Variants in DNAH8 observed in about 807,000 individuals in gnomAD.
The protein encoded by DNAH8 is axonemal beta dynein heavy chain 8.
DNAH8 carries 382 observed loss-of-function variants against 562.1 expected under a neutral mutation model. That is an observed-to-expected ratio of 0.68 (90% confidence interval 0.63 to 0.74). The LOEUF (loss-of-function observed/expected upper bound fraction) is 0.74, where lower values mean the gene tolerates loss of function less well. DNAH8 is among the 30% of genes least tolerant of loss of function. The pLI is 0.00. For synonymous variants in DNAH8, 1,881 were observed against 1,919.4 expected, an observed-to-expected ratio of 0.98 and a Z score of 0.52; for missense variants, 5,203 against 5,620.4, an observed-to-expected ratio of 0.93 and a Z score of 2.37.
chr6:38,832,620 T>C (rs914107844), intron 31 of DNAH8, among the ~76,000 whole-genome samples, 185 bp downstream of exon 31: 4 of 152,228 alleles, frequency 2.6e-5, no homozygotes, highest in African/African-American at 9.6e-5. Flanking sequence ...TTGGCTTCCT[T>C]GGCCATATTG....
chr6:38,893,134 G>T (rs1261193080), intron 58 of DNAH8, among the ~76,000 whole-genome samples: 1 of 152,166 alleles, frequency 6.6e-6, no homozygotes, highest in Non-Finnish European at 1.5e-5. Context: ...TTACCACTGT[G>T]TCTTCTTAAG....
intron 91 of DNAH8, among the ~76,000 whole-genome samples, chr6:39,015,414 C>A (rs1766498501): frequency 6.6e-6 from 1 of 152,196 alleles, no homozygotes; most frequent in Non-Finnish European, 1.5e-5. Flanking sequence ...TGCGTCCCCA[C>A]CCAAAACTCA....
chr6:38,917,196 A>C, intron 68 of DNAH8, 43 bp from the exon 69 acceptor site: 1 of 1,399,560 alleles, frequency 7.1e-7, no homozygotes. Context: ...AACTATTAAT[A>C]CCACTCAACA....
At chr6:38,722,607 G>A (rs1157955636) in intron 1 of DNAH8, among the ~76,000 whole-genome samples, 169 bp from the exon 2 acceptor site, 2 of 143,852 alleles carry the variant, frequency 1.4e-5, no homozygotes, top group East Asian at 3.9e-4. Flanking sequence ...TGTGTGTGCT[G>A]TCCTCACTAA....
At chr6:38,923,650 G>T in intron 72 of DNAH8, 1 of 224,026 alleles carries the variant, frequency 4.5e-6, no homozygotes. Context: ...AAATAAAAAG[G>T]GAGGGGAAAG....
chr6:38,822,917 G>T lies in DNAH8; in HGVS notation c.3603G>T (p.Lys1201Asn), dbSNP rs777363308. Reference sequence around the variant, plus strand: ...TAGCGGAGCACAAGGATATTTCTAAGTTGGTCCTGCTCCTTTCTTCCTCTG... The same window carrying T: ...TAGCGGAGCACAAGGATATTTCTAATTTGGTCCTGCTCCTTTCTTCCTCTG... ...PGVAEHKDIS[K>N]LVLLLSSSVN... Residue 1201 changes from lysine (K) to asparagine (N), a missense_variant, in exon 27 of 93, where the codon AAG becomes AAT. Lys to Asn is a moderately conservative substitution (Grantham distance 94). Around this residue, in one of 6 missense-constraint regions of DNAH8, gnomAD observed 2,176 missense variants for 2,365.1 expected, o/e 0.92. Coordinates refer to ENST00000327475, the MANE Select transcript of DNAH8 (RefSeq NM_001206927.2). 2.2e-5 allele frequency: 35 copies of T among 1,613,346 alleles called. No homozygotes were observed. Among genetic ancestry groups the T allele is most frequent in the Admixed American group, 3.3e-5 (2 of 59,844 alleles).
chr6:39,002,715 T>A (rs2150753940), intron 88 of DNAH8, among the ~76,000 whole-genome samples: 1 of 152,346 alleles, frequency 6.6e-6, no homozygotes, highest in East Asian at 1.9e-4. Flanking sequence ...TACTATACAG[T>A]CAATTTTTGT....
intron 18 of DNAH8, 70 bp from the exon 19 acceptor site, chr6:38,789,733 G>C: frequency 8.4e-7 from 1 of 1,186,678 alleles, no homozygotes; most frequent in Non-Finnish European, 1.2e-6. Flanking sequence ...AACCTTCCTG[G>C]AATGAATCAA....
intron 81 of DNAH8, among the ~76,000 whole-genome samples, 154 bp downstream of exon 81, chr6:38,949,724 T>C (rs1240101246): frequency 6.6e-6 from 1 of 152,208 alleles, no homozygotes; most frequent in Non-Finnish European, 1.5e-5. Context: ...TTATAAGAAA[T>C]GTATGTACTT....
intron 88 of DNAH8, among the ~76,000 whole-genome samples, chr6:39,007,252 A>G (rs1046074189): frequency 4.6e-5 from 7 of 152,248 alleles, no homozygotes; most frequent in African/African-American, 1.7e-4. Context: ...TCTTAGGTGT[A>G]GAATTGCTAT....
chr6:38,850,213 C>G, intron 37 of DNAH8, 38 bp from the exon 38 acceptor site: 1 of 1,584,172 alleles, frequency 6.3e-7, no homozygotes, highest in Non-Finnish European at 8.6e-7. Context: ...TTCAATTATC[C>G]AAATGCTAAT....
chr6:38,770,180 T>C (rs1767421168), intron 11 of DNAH8, among the ~76,000 whole-genome samples: 1 of 151,972 alleles, frequency 6.6e-6, no homozygotes, highest in Non-Finnish European at 1.5e-5. Flanking sequence ...GTCATGAAAA[T>C]GTAAAAACAA....
intron 27 of DNAH8, among the ~76,000 whole-genome samples, chr6:38,823,267 T>C (rs1562907613): frequency 6.6e-6 from 1 of 152,180 alleles, no homozygotes; most frequent in Non-Finnish European, 1.5e-5. Flanking sequence ...AACAATTGAG[T>C]ACCAATTATG....
intron 80 of DNAH8, among the ~76,000 whole-genome samples, chr6:38,949,075 A>G (rs920955915): frequency 6.6e-6 from 1 of 152,060 alleles, no homozygotes; most frequent in Non-Finnish European, 1.5e-5. Context: ...ACTGGCATCT[A>G]GTGGATAGGG....
chr6:38,741,384 C>G (rs937857090), intron 7 of DNAH8, among the ~76,000 whole-genome samples: 1 of 151,732 alleles, frequency 6.6e-6, no homozygotes, highest in Non-Finnish European at 1.5e-5. Context: ...GCGTAGGCAG[C>G]AGAGCGAGAC....
rs1414244980 is a variant in DNAH8 at position 38,874,096 on chromosome 6, C to CTT, written c.7620+721_7620+722insTT. 1.0e-3 allele frequency among the ~76,000 whole-genome samples: 82 copies of CTT among 81,648 alleles called. 13 individuals carry two copies. Among genetic ancestry groups the CTT allele is most frequent in the African/African-American group, 3.4e-3 (72 of 21,442 alleles). The allele number at this position is 81,648 out of a possible 152,430, so 53.6% of individuals were successfully genotyped here. A position where few individuals can be genotyped will look rare whatever the true frequency, so the allele number is the denominator to read the frequency against. Reference sequence around the variant, plus strand: ...TCTTTCTTTCTTTCTTTCTTTCTTTCTCTTTCTCCTTCCTTCCTTCCTCCT... The same window carrying CTT: ...TCTTTCTTTCTTTCTTTCTTTCTTTCTTTCTTTCTCCTTCCTTCCTTCCTCCT... On this transcript the variant is annotated intron_variant, in intron 52 of 92. Transcript: ENST00000327475.
intron 38 of DNAH8, among the ~76,000 whole-genome samples, 186 bp downstream of exon 38, chr6:38,850,600 T>C (rs1012130662): frequency 2.6e-5 from 4 of 152,184 alleles, no homozygotes; most frequent in Non-Finnish European, 2.9e-5. Flanking sequence ...GGTTAAGGCA[T>C]TGTATTAGTT....
Position 38,921,466 on chromosome 6 carries a change from A to C in DNAH8, c.10622A>C (p.Lys3541Thr). 1.2e-6 allele frequency: 2 copies of C among 1,613,694 alleles called. No homozygotes were observed. Among genetic ancestry groups the C allele is most frequent in the Non-Finnish European group, 1.7e-6 (2 of 1,179,810 alleles). Residue 3541 changes from lysine to threonine, a missense_variant, in exon 71 of 93, where the codon AAA becomes ACA. Transcript: ENST00000327475. The part of the protein sequence containing the change: ...LLDEKQAELD[K>T]VQAKFDAAMN... ...GATGAGAAGCAAGCTGAGCTGGATA[A>C]AGTACAGGCAAAATTTGATGCAGCA...
At chr6:38,982,301 G>A in intron 85 of DNAH8, 45 bp from the exon 86 acceptor site, 1 of 792,194 alleles carries the variant, frequency 1.3e-6, no homozygotes, top group South Asian at 1.5e-5. Flanking sequence ...CAATAAAAAT[G>A]GAATCAGGTA....
Sources: allele counts gnomAD v4.1 joint callset (sites outside exome capture counted in the v4.1 genomes callset), GRCh38; gene constraint gnomAD v4.1.1; regional missense constraint gnomAD v4.1.1; transcripts MANE v1.5; gene names NCBI Gene and HGNC (gene_info 2026-07-23, HGNC 2026-07-21).